The following C1orf21 variants were observed in gnomAD, a reference collection of about 807,000 sequenced individuals.
C1orf21 encodes the protein uncharacterized protein C1orf21.
A neutral mutation model predicts 18.7 loss-of-function variants in C1orf21; 3 were observed. That is an observed-to-expected ratio of 0.16 (90% confidence interval 0.07 to 0.42). The LOEUF (loss-of-function observed/expected upper bound fraction) is 0.42, where lower values mean the gene tolerates loss of function less well. C1orf21 is among the 10% of genes least tolerant of loss of function. C1orf21 has a pLI of 0.99. For missense variants in C1orf21, 104 were observed against 143.6 expected (o/e 0.72, Z 1.41); for synonymous variants, 41 against 46.4 (o/e 0.88, Z 0.47).
At chr1:184,454,268 C>T (rs570915817) in intron 1 of C1orf21, among the ~76,000 whole-genome samples, 3 of 152,152 alleles carry the variant, frequency 2.0e-5, no homozygotes, top group East Asian at 1.9e-4. Flanking sequence ...TATGGATAAT[C>T]GCTTATCAAG....
At chr1:184,554,316 A>C (rs1658850060) in intron 3 of C1orf21, among the ~76,000 whole-genome samples, 1 of 152,210 alleles carries the variant, frequency 6.6e-6, no homozygotes, top group South Asian at 2.1e-4. Flanking sequence ...CCAAGGAAGC[A>C]CCAGTAGGTC....
intron 3 of C1orf21, among the ~76,000 whole-genome samples, chr1:184,540,362 G>C (rs1175776703): frequency 6.6e-6 from 1 of 152,012 alleles, no homozygotes; most frequent in Non-Finnish European, 1.5e-5. Flanking sequence ...GATTTTAAAA[G>C]AGATTGACAG....
intron 1 of C1orf21, among the ~76,000 whole-genome samples, chr1:184,455,536 T>C (rs1657185620): frequency 6.6e-6 from 1 of 152,166 alleles, no homozygotes; most frequent in Non-Finnish European, 1.5e-5. Context: ...AATCAGGGAC[T>C]CTCCTTTTCT....
At chr1:184,431,218 ATAC>A (rs1457857509) in intron 1 of C1orf21, among the ~76,000 whole-genome samples, 1 of 152,212 alleles carries the variant, frequency 6.6e-6, no homozygotes, top group Non-Finnish European at 1.5e-5. Flanking sequence ...ATTTCAAACT[ATAC>A]TACAAGGCTA....
chr1:184,597,726 A>G (rs556942053), intron 4 of C1orf21, among the ~76,000 whole-genome samples: 1 of 152,242 alleles, frequency 6.6e-6, no homozygotes, highest in East Asian at 1.9e-4. Context: ...TGTCCTTACC[A>G]TCTTATTTTG....
At chr1:184,618,855 C>A (rs896192840) in intron 5 of C1orf21, among the ~76,000 whole-genome samples, 3 of 152,178 alleles carry the variant, frequency 2.0e-5, no homozygotes, top group Non-Finnish European at 4.4e-5. Context: ...CCTTAAAGCC[C>A]AGCCCCAATC....
At chr1:184,537,507 C>T (rs750321910) in intron 3 of C1orf21, among the ~76,000 whole-genome samples, 10 of 152,202 alleles carry the variant, frequency 6.6e-5, no homozygotes, top group Non-Finnish European at 1.0e-4. Context: ...AATAATATTC[C>T]GTTGTATGTA....
intron 5 of C1orf21, among the ~76,000 whole-genome samples, chr1:184,607,766 G>A (rs1659670286): frequency 6.7e-6 from 1 of 150,220 alleles, no homozygotes; most frequent in Non-Finnish European, 1.5e-5. Flanking sequence ...TACATATATA[G>A]AGAGAAAGAG....
chr1:184,572,437 C>A (rs936840335), intron 3 of C1orf21, among the ~76,000 whole-genome samples: 1 of 152,182 alleles, frequency 6.6e-6, no homozygotes, highest in Admixed American at 6.5e-5. Context: ...TGGAAAATGA[C>A]TGTTAGACAG....
chr1:184,411,912 T>TA (rs1656361945), intron 1 of C1orf21: 1 of 152,252 alleles, frequency 6.6e-6, no homozygotes, highest in African/African-American at 2.4e-5. Context: ...GATGATTGTA[T>TA]ATTTAGACAT....
chr1:184,555,185 A>G (rs1571275390), intron 3 of C1orf21, among the ~76,000 whole-genome samples: 1 of 152,158 alleles, frequency 6.6e-6, no homozygotes, highest in East Asian at 1.9e-4. Flanking sequence ...TTTCATTTGT[A>G]TGGAATGAAT....
chr1:184,484,204 C>T (rs1657699864), intron 2 of C1orf21, among the ~76,000 whole-genome samples: 1 of 152,156 alleles, frequency 6.6e-6, no homozygotes, highest in Non-Finnish European at 1.5e-5. Context: ...GCTAAGATTA[C>T]AGGCGCAGCC....
rs150381080 is a variant in C1orf21, at chr1:184,597,640, C to T, written c.267-761C>T. Among the ~76,000 whole-genome samples the T allele has an allele frequency of 3.5e-3, 539 of 152,262 alleles. 4 individuals carry two copies. Among genetic ancestry groups the T allele is most frequent in the African/African-American group, 0.012 (518 of 41,538 alleles). Reference sequence around the variant, plus strand: ...CAGCTATCTGCTAGGTAGAAGCAACCGTCATTAAGACCATGGCCCATTAAG... The same window carrying T: ...CAGCTATCTGCTAGGTAGAAGCAACTGTCATTAAGACCATGGCCCATTAAG... On this transcript the variant is annotated intron_variant, in intron 4 of 5. Coordinates refer to ENST00000235307, the MANE Select transcript of C1orf21 (RefSeq NM_030806.4).
intron 3 of C1orf21, among the ~76,000 whole-genome samples, chr1:184,583,954 G>T (rs77954348): frequency 0.062 from 9,400 of 152,036 alleles, 415 homozygotes; most frequent in African/African-American, 0.11. Flanking sequence ...CTGTCATCTC[G>T]CAATTTATTC....
chr1:184,589,402 TGC>T (rs1659405617), intron 3 of C1orf21, among the ~76,000 whole-genome samples: 1 of 152,246 alleles, frequency 6.6e-6, no homozygotes, highest in Non-Finnish European at 1.5e-5. Context: ...GCTCATGAAG[TGC>T]CAGGCCCCTT....
chr1:184,452,291 G>A (rs1273087147), intron 1 of C1orf21, among the ~76,000 whole-genome samples: 1 of 152,194 alleles, frequency 6.6e-6, no homozygotes, highest in Non-Finnish European at 1.5e-5. Flanking sequence ...AAAGAGTTTG[G>A]TTTCTAGAGT....
At chr1:184,493,698 G>A (rs183783097) in intron 2 of C1orf21, among the ~76,000 whole-genome samples, 69 of 152,294 alleles carry the variant, frequency 4.5e-4, no homozygotes, top group Non-Finnish European at 2.9e-5. Context: ...TGTGTTAGCT[G>A]TTTAACACAA....
chr1:184,438,295 T>G (rs2378885), intron 1 of C1orf21, among the ~76,000 whole-genome samples: 67,122 of 151,726 alleles, frequency 0.44, 18,985 homozygotes, highest in African/African-American at 0.82. Flanking sequence ...TTGAGAAAAA[T>G]TTTCATTCTC....
chr1:184,597,384 C>G (rs77897453), intron 4 of C1orf21, among the ~76,000 whole-genome samples: 1 of 152,098 alleles, frequency 6.6e-6, no homozygotes, highest in African/African-American at 2.4e-5. Flanking sequence ...TCACAGGAGG[C>G]CTGGAGGGTT....
Sources: allele counts gnomAD v4.1 joint callset (sites outside exome capture counted in the v4.1 genomes callset), GRCh38; gene constraint gnomAD v4.1.1; transcripts MANE v1.5; gene names NCBI Gene and HGNC (gene_info 2026-07-23, HGNC 2026-07-21).